The following ZNF615 variants were observed in gnomAD, a reference collection of about 807,000 sequenced individuals.
ZNF615 encodes zinc finger protein 615.
In ZNF615, 15 loss-of-function variants were observed where a neutral mutation model predicts 15.3. The observed-to-expected ratio is 0.98, with a 90% confidence interval of 0.66 to 1.51. ZNF615 has a LOEUF of 1.51. Among genes scored for constraint, ZNF615 ranks in the 40% most tolerant of loss-of-function variants. The pLI is 0.00. For missense variants in ZNF615, 848 were observed against 895.9 expected (o/e 0.95, Z 0.68); for synonymous variants, 268 against 294.6 (o/e 0.91, Z 0.92).
At chr19:52,003,633 T>C (rs2086667895) in intron 3 of ZNF615, 64 bp downstream of exon 3, 3 of 1,491,052 alleles carry the variant, frequency 2.0e-6, no homozygotes, top group African/African-American at 2.8e-5. Context: ...ATTACCCTGA[T>C]TTTTACAGGA....
rs1226310874 is a variant in ZNF615, at chr19:51,991,758, AAAAC to A, written c.*1118_*1121del. On this transcript the variant is annotated 3_prime_UTR_variant, in exon 7 of 7. Transcript: ENST00000598071. Reference sequence around the variant, plus strand: ...TAAGATTTCTTAAAGCTACATATAAAAAACAAACAAAAATGCATGCATGTTAAAA... The same window carrying A: ...TAAGATTTCTTAAAGCTACATATAAAAAACAAAAATGCATGCATGTTAAAA... 6.6e-6 allele frequency: 1 copy of A among 152,190 alleles called. No individual in the cohort carries two copies. Among genetic ancestry groups the A allele is most frequent in the Non-Finnish European group, 1.5e-5 (1 of 68,048 alleles). The allele number at this position is 152,190 out of a possible 1,614,324, so 9.4% of individuals were successfully genotyped here.
At chr19:52,007,967 GT>G (rs2086803054) in intron 1 of ZNF615, 173 bp downstream of exon 1, 1 of 621,548 alleles carries the variant, frequency 1.6e-6, no homozygotes, top group African/African-American at 1.8e-5. Flanking sequence ...ACCTCTTGTA[GT>G]TCCCCTGCGA....
chr19:52,008,151 T>G lies in ZNF615; in HGVS notation c.-238A>C, dbSNP rs943703747. The G allele has an allele frequency of 1.2e-5, 18 of 1,535,384 alleles. No homozygotes were observed. The African/African-American group carries it at 1.9e-4, about 16-fold the overall frequency. On this transcript the variant is annotated 5_prime_UTR_variant, in exon 1 of 7. Coordinates refer to ENST00000598071, the MANE Select transcript of ZNF615 (RefSeq NM_001199324.2). ...AGTGACTGAACTTACTTCCCAGAACTTGGTGGGCTCCGGCCTCATCTCTCG... is the reference window on the plus strand; with the variant it reads ...AGTGACTGAACTTACTTCCCAGAACGTGGTGGGCTCCGGCCTCATCTCTCG...
chr19:52,000,546 T>C (rs778083484), intron 5 of ZNF615, among the ~76,000 whole-genome samples, 168 bp from the exon 6 acceptor site: 2 of 152,134 alleles, frequency 1.3e-5, no homozygotes, highest in African/African-American at 4.8e-5. Context: ...AAATAAAGTA[T>C]ACATTAGATA....
At position 52,001,884 on chromosome 19, in the gene ZNF615, G is replaced by C; in HGVS notation, c.167C>G (p.Ala56Gly). Reference sequence around the variant, plus strand: ...TTCTCCTCGTTCCAATTTGGAGAGTGCATCTGGTTTGCTGGCTTGATACCC... The same window carrying C: ...TTCTCCTCGTTCCAATTTGGAGAGTCCATCTGGTTTGCTGGCTTGATACCC... Reference protein sequence around the residue: ...AVGYQASKPDALSKLERGEET... With the variant: ...AVGYQASKPDGLSKLERGEET... The change falls in exon 5 of 7, where the codon GCA (alanine) becomes GGA (glycine). Residue 56 changes from alanine to glycine, a missense_variant. By Grantham distance (60) the Ala-to-Gly change is moderately conservative. Coordinates refer to ENST00000598071, the MANE Select transcript of ZNF615 (RefSeq NM_001199324.2). 1 of 1,614,172 alleles carries C rather than the reference G, an allele frequency of 6.2e-7. No individual in the cohort carries two copies. Among genetic ancestry groups the C allele is most frequent in the Non-Finnish European group, 8.5e-7 (1 of 1,180,022 alleles).
In ZNF615 at chr19:51,996,046, G is replaced by A. The variant is rs548129404; in HGVS notation, c.272-1209C>T. ...GGTTCACTAATAGGTTCAATGGGAC[G>A]AGTGAAAGAGGGTTAATGGAAGTGA... is the stretch of plus-strand genomic sequence containing the variant. On this transcript the variant is annotated intron_variant, in intron 6 of 6. Transcript: ENST00000598071. 3.3e-4 allele frequency among the ~76,000 whole-genome samples: 50 copies of A among 152,180 alleles called. No individual in the cohort carries two copies. The South Asian group carries it at 5.4e-3, about 16-fold the overall frequency.
chr19:52,002,537 T>G, intron 3 of ZNF615: 3 of 555,298 alleles, frequency 5.4e-6, no homozygotes, highest in Middle Eastern at 2.8e-4. Flanking sequence ...AAAGAACATC[T>G]ATAACATGTA....
At chr19:52,002,033 T>C in intron 4 of ZNF615, 122 bp downstream of exon 4, 2 of 1,610,790 alleles carry the variant, frequency 1.2e-6, no homozygotes, top group East Asian at 2.2e-5. Context: ...GATTATACTC[T>C]CTTGTGTGGG....
At position 52,001,854 on chromosome 19, in the gene ZNF615, G is replaced by A; in HGVS notation, c.197C>T (p.Thr66Ile). 6.2e-7 allele frequency: 1 copy of A among 1,614,092 alleles called. No individual in the cohort carries two copies. Among genetic ancestry groups the A allele is most frequent in the East Asian group, 2.2e-5 (1 of 44,866 alleles). ...ALSKLERGEE[T>I]CTTEDEIYSR... ...GTAGATTTCATCTTCTGTTGTGCAA[G>A]TTTCTTCTCCTCGTTCCAATTTGGA... The change falls in exon 5 of 7, where the codon ACT becomes ATT. Residue 66 changes from threonine (T) to isoleucine (I), a missense_variant. Thr to Ile is a moderately conservative substitution (Grantham distance 89, BLOSUM62 -1). Coordinates refer to ENST00000598071, the MANE Select transcript of ZNF615 (RefSeq NM_001199324.2).
At chr19:52,007,254 A>G (rs900123124) in intron 2 of ZNF615, 39 bp downstream of exon 2, 1 of 1,244,950 alleles carries the variant, frequency 8.0e-7, no homozygotes, top group Non-Finnish European at 1.1e-6. Flanking sequence ...AAATATTCTG[A>G]AAATTTGACA....
At chr19:52,005,632 GC>G (rs1257682603) in intron 2 of ZNF615, among the ~76,000 whole-genome samples, 1 of 152,144 alleles carries the variant, frequency 6.6e-6, no homozygotes, top group Non-Finnish European at 1.5e-5. Flanking sequence ...GTGCAGAAAA[GC>G]CATATGGTCA....
At chr19:52,001,616 CAAAAAAAAAAAAAAA>C (rs200193378) in intron 5 of ZNF615, among the ~76,000 whole-genome samples, 182 bp downstream of exon 5, 125 of 105,372 alleles carry the variant, frequency 1.2e-3, no homozygotes, top group Non-Finnish European at 1.5e-3. Flanking sequence ...GACTCCATCT[CAAAAAAAAAAAAAAA>C]AAAAGAAAAG....
intron 6 of ZNF615, among the ~76,000 whole-genome samples, chr19:51,996,256 C>T (rs2086424110): frequency 1.3e-5 from 2 of 151,802 alleles, no homozygotes; most frequent in Admixed American, 1.3e-4. Flanking sequence ...CATGGTGGCA[C>T]ATGCCCGTAG....
rs749094922 is a variant in ZNF615, at chr19:51,993,491, C to G, written c.1618G>C (p.Gly540Arg). 6.2e-7 allele frequency: 1 copy of G among 1,613,262 alleles called. No homozygotes were observed. Among genetic ancestry groups the G allele is most frequent in the East Asian group, 2.2e-5 (1 of 44,800 alleles). The change falls in exon 7 of 7, where the codon GGA becomes CGA. Residue 540 changes from glycine (G) to arginine (R), a missense_variant. Coordinates refer to ENST00000598071, the MANE Select transcript of ZNF615 (RefSeq NM_001199324.2). ...KGFPAKIRLMGHQRTHTGEKP... is the reference protein window; with the variant it reads ...KGFPAKIRLMRHQRTHTGEKP... Reference sequence around the variant, plus strand: ...TCTCCTGTATGAGTTCGTTGATGTCCCATTAGCCGGATCTTTGCTGGAAAG... The same window carrying G: ...TCTCCTGTATGAGTTCGTTGATGTCGCATTAGCCGGATCTTTGCTGGAAAG...
chr19:51,996,031 T>C (rs1189433481), intron 6 of ZNF615, among the ~76,000 whole-genome samples: 3 of 152,112 alleles, frequency 2.0e-5, no homozygotes, highest in Non-Finnish European at 2.9e-5. Context: ...GGTTCACTAA[T>C]AGGTTCAATG....
chr19:51,994,937 G>T, intron 6 of ZNF615, 100 bp from the exon 7 acceptor site: 2 of 1,083,624 alleles, frequency 1.8e-6, no homozygotes, highest in Non-Finnish European at 2.5e-6. Flanking sequence ...TGACTCTTTA[G>T]TGAAAACCCT....
chr19:51,994,402 ACT>A lies in ZNF615; in HGVS notation c.705_706del (p.Arg235SerfsTer37), dbSNP rs763941530. On this transcript the variant is annotated frameshift_variant, in exon 7 of 7. Coordinates refer to ENST00000598071, the MANE Select transcript of ZNF615 (RefSeq NM_001199324.2). LOFTEE classifies it low-confidence loss of function (END_TRUNC). ...TACATGAGGTTTTTCTCCAGTGTGAACTCTCTGATGATCAATAAACTGAGACA... is the reference window on the plus strand; with the variant it reads ...TACATGAGGTTTTTCTCCAGTGTGAACTCTGATGATCAATAAACTGAGACA... 1.9e-5 allele frequency: 31 copies of A among 1,613,630 alleles called. No individual in the cohort carries two copies. The African/African-American group carries it at 3.7e-4, about 19-fold the overall frequency.
chr19:52,003,746 G>A lies in ZNF615; in HGVS notation c.-35C>T. The A allele has an allele frequency of 1.2e-6, 2 of 1,610,950 alleles. No homozygotes were observed. Among genetic ancestry groups the A allele is most frequent in the Middle Eastern group, 1.6e-4 (1 of 6,068 alleles). On this transcript the variant is annotated 5_prime_UTR_variant, in exon 3 of 7. Coordinates refer to ENST00000598071, the MANE Select transcript of ZNF615 (RefSeq NM_001199324.2). ...AATTTGGGAAATGACTGCTAACTTG[G>A]ACGTTCTGTATTTGTCTCTTCTGAA...
rs143865310 is a variant in ZNF615, at chr19:51,995,494, T to C, written c.272-657A>G. Among the ~76,000 whole-genome samples, 1,202 of 151,752 alleles carry C rather than the reference T, an allele frequency of 7.9e-3. 24 individuals carry two copies. The highest frequency in any genetic ancestry group is 7.2e-3 in the Non-Finnish European group (487 of 67,970). On this transcript the variant is annotated intron_variant, in intron 6 of 6. Coordinates refer to ENST00000598071, the MANE Select transcript of ZNF615 (RefSeq NM_001199324.2). ...TGACAAAGGCTGTATTAATTTATTC[T>C]ACAAATGTTTGCTGAATGACATCTA... is the stretch of plus-strand genomic sequence containing the variant.
Sources: allele counts gnomAD v4.1 joint callset (sites outside exome capture counted in the v4.1 genomes callset), GRCh38; gene constraint gnomAD v4.1.1; transcripts MANE v1.5; gene names NCBI Gene and HGNC (gene_info 2026-07-23, HGNC 2026-07-21).